PROM1: variants seen among roughly 807,000 people sequenced by gnomAD.
The protein encoded by PROM1 is prominin-1.
A neutral mutation model predicts 116.9 loss-of-function variants in PROM1; 105 were observed. The observed-to-expected ratio is 0.90, with a 90% CI of 0.77 to 1.06. The LOEUF (loss-of-function observed/expected upper bound fraction) is 1.06. PROM1 is among the 50% of genes least tolerant of loss of function. PROM1 has a pLI of 0.00. For synonymous variants in PROM1, 393 were observed against 387.0 expected, an observed-to-expected ratio of 1.02 and a Z score of -0.18; for missense variants, 1,122 against 1,045.2, an observed-to-expected ratio of 1.07 and a Z score of -1.01.
At chr4:15,996,267 T>G (rs895445715) in intron 15 of PROM1, among the ~76,000 whole-genome samples, 2 of 152,146 alleles carry the variant, frequency 1.3e-5, no homozygotes, top group Admixed American at 6.5e-5. Context: ...CCCAACACTT[T>G]GGGAGGCCAA....
At chr4:16,038,527 C>A (rs1167907150) in intron 3 of PROM1, among the ~76,000 whole-genome samples, 2 of 152,124 alleles carry the variant, frequency 1.3e-5, no homozygotes, top group African/African-American at 4.8e-5. Context: ...CTCAGCCTCC[C>A]GAATACTTGG....
chr4:15,971,149 G>A (rs1714449812), intron 26 of PROM1, 67 bp from the exon 27 acceptor site: 10 of 1,351,728 alleles, frequency 7.4e-6, no homozygotes, highest in Non-Finnish European at 7.1e-6. Flanking sequence ...CATCACCTCT[G>A]TGCTAAGAAG....
intron 15 of PROM1, among the ~76,000 whole-genome samples, chr4:15,996,229 G>A (rs2149152164): frequency 6.6e-6 from 1 of 152,320 alleles, no homozygotes; most frequent in Non-Finnish European, 1.5e-5. Context: ...AAACAGTAAT[G>A]GCCGGGCTTG....
intron 15 of PROM1, among the ~76,000 whole-genome samples, chr4:15,994,990 T>C (rs1721956947): frequency 6.6e-6 from 1 of 152,220 alleles, no homozygotes; most frequent in African/African-American, 2.4e-5. Context: ...GCTGAGACAC[T>C]TGGCTTTGTC....
chr4:16,012,885 A>AC lies in PROM1; in HGVS notation c.1141+389_1141+390insG, dbSNP rs1163083906. Reference sequence around the variant, plus strand: ...GACTCTGTCTCAAAAAAAAAAAAAAAAAAAAACAACAAACTTTGATCTTAA... The same window carrying AC: ...GACTCTGTCTCAAAAAAAAAAAAAAACAAAAAACAACAAACTTTGATCTTAA... On this transcript the variant is annotated intron_variant, in intron 11 of 27. Transcript: ENST00000447510. Among the ~76,000 whole-genome samples, 7 of 151,710 alleles carry AC rather than the reference A, an allele frequency of 4.6e-5. No homozygotes were observed. The East Asian group carries it at 9.8e-4, about 21-fold the overall frequency.
At chr4:16,048,660 C>A (rs553973092) in intron 2 of PROM1, among the ~76,000 whole-genome samples, 2 of 152,108 alleles carry the variant, frequency 1.3e-5, no homozygotes, top group South Asian at 4.2e-4. Flanking sequence ...ACTGGAGTGG[C>A]TTCTCCCTGC....
chr4:16,024,216 T>A (rs1363727783), intron 7 of PROM1, 79 bp downstream of exon 7: 1 of 1,293,024 alleles, frequency 7.7e-7, no homozygotes, highest in African/African-American at 1.5e-5. Context: ...TTCACGTACG[T>A]CATTTCTTAG....
chr4:15,983,761 G>A (rs1327048383), intron 23 of PROM1, among the ~76,000 whole-genome samples: 1 of 152,160 alleles, frequency 6.6e-6, no homozygotes, highest in Non-Finnish European at 1.5e-5. Context: ...ATAGCAATGG[G>A]AAGCCACTGA....
At position 16,039,013 on chromosome 4, in the gene PROM1, G is replaced by A; in HGVS notation, c.221-12C>T. ...TTTTCTCAAAGTATCTGGAAAAAAA[G>A]CCACAAAATAGCAATATTATTTTTT... On this transcript the variant is annotated splice_polypyrimidine_tract_variant and intron_variant, in intron 2 of 27. Coordinates refer to ENST00000447510, the MANE Select transcript of PROM1 (RefSeq NM_006017.3). 1.4e-6 allele frequency: 2 copies of A among 1,478,172 alleles called. No individual in the cohort carries two copies. The highest frequency in any genetic ancestry group is 1.8e-6 in the Non-Finnish European group (2 of 1,112,516). The allele number at this position is 1,478,172 out of a possible 1,614,324, so 91.6% of individuals were successfully genotyped here. A position where few individuals can be genotyped will look rare whatever the true frequency, so the allele number is the denominator to read the frequency against.
At chr4:16,031,443 A>G (rs11729248) in intron 5 of PROM1, among the ~76,000 whole-genome samples, 55,172 of 151,944 alleles carry the variant, frequency 0.36, 12,490 homozygotes, top group Non-Finnish European at 0.51. Flanking sequence ...TACCCCTATA[A>G]CTAGGAGTCT....
At chr4:16,053,515 C>T (rs1399910142) in intron 2 of PROM1, among the ~76,000 whole-genome samples, 2 of 152,158 alleles carry the variant, frequency 1.3e-5, no homozygotes, top group East Asian at 3.8e-4. Context: ...GGGCACTAAA[C>T]TTAATGATGA....
chr4:16,008,752 A>G (rs539034836), intron 12 of PROM1, among the ~76,000 whole-genome samples, 197 bp downstream of exon 12: 3 of 152,350 alleles, frequency 2.0e-5, no homozygotes, highest in Non-Finnish European at 2.9e-5. Flanking sequence ...CATTGTTCCA[A>G]TTTTAGTATA....
intron 22 of PROM1, among the ~76,000 whole-genome samples, chr4:15,984,689 T>C (rs1200445398): frequency 6.6e-6 from 1 of 152,218 alleles, no homozygotes; most frequent in Non-Finnish European, 1.5e-5. Context: ...ATGAACCCTA[T>C]TGTGGAACTG....
chr4:16,077,388 A>T (rs954071258), intron 1 of PROM1, among the ~76,000 whole-genome samples: 1 of 152,064 alleles, frequency 6.6e-6, no homozygotes, highest in African/African-American at 2.4e-5. Flanking sequence ...TTATCTGCTG[A>T]CCTTCTCTCC....
At chr4:15,971,248 C>G in intron 26 of PROM1, 166 bp from the exon 27 acceptor site, 1 of 563,226 alleles carries the variant, frequency 1.8e-6, no homozygotes, top group South Asian at 2.6e-5. Context: ...ACTGGTTACT[C>G]TAGCTTCTGT....
At chr4:16,006,512 C>T in intron 13 of PROM1, 26 bp downstream of exon 13, 1 of 1,561,696 alleles carries the variant, frequency 6.4e-7, no homozygotes, top group Non-Finnish European at 8.7e-7. Flanking sequence ...CCCACTCCCA[C>T]ATGACAGAGA....
intron 24 of PROM1, 195 bp downstream of exon 24, chr4:15,980,227 A>G: frequency 1.5e-6 from 1 of 656,032 alleles, no homozygotes; most frequent in South Asian, 1.7e-5. Flanking sequence ...AGAGGAAAAA[A>G]GTAGTTAAAA....
Position 16,000,623 on chromosome 4 carries a change from G to C in PROM1, c.1455-4C>G. The C allele has an allele frequency of 2.6e-6, 4 of 1,540,308 alleles. No individual in the cohort carries two copies. The highest frequency in any genetic ancestry group is 3.5e-6 in the Non-Finnish European group (4 of 1,130,624). On this transcript the variant is annotated splice_polypyrimidine_tract_variant and splice_region_variant and intron_variant, in intron 13 of 27. Transcript: ENST00000447510. ...GAGGAAACTTAATCCAACTCCACTG[G>C]AAAAAAATATAAAGTTAGTAATTCA...
intron 7 of PROM1, 124 bp from the exon 8 acceptor site, chr4:16,023,539 G>A: frequency 2.9e-6 from 2 of 700,910 alleles, no homozygotes; most frequent in South Asian, 1.8e-5. Context: ...CCTGGACCCT[G>A]TCTAGGGGTT....
Sources: allele counts gnomAD v4.1 joint callset (sites outside exome capture counted in the v4.1 genomes callset), GRCh38; gene constraint gnomAD v4.1.1; transcripts MANE v1.5; gene names NCBI Gene and HGNC (gene_info 2026-07-23, HGNC 2026-07-21).